The following PTPRM variants were observed in gnomAD, a reference collection of about 807,000 sequenced individuals.
PTPRM encodes protein tyrosine phosphatase receptor type M.
Under a neutral mutation model 186.7 loss-of-function variants are expected in PTPRM, and 47 were observed. The ratio of observed to expected loss-of-function variants is 0.25; its 90% CI spans 0.20 to 0.32. The LOEUF (loss-of-function observed/expected upper bound fraction) is 0.32. Ranked by LOEUF, PTPRM falls within the 10% of genes least tolerant of loss-of-function variation. The pLI, the probability that PTPRM is intolerant of heterozygous loss-of-function variation, is 1.00. For synonymous variants in PTPRM, 668 were observed against 674.9 expected (o/e 0.99, Z 0.16); for missense variants, 1,494 against 1,865.0 (o/e 0.80, Z 3.66).
chr18:7,731,605 AT>A (rs1158017138), intron 1 of PTPRM, among the ~76,000 whole-genome samples: 1 of 152,158 alleles, frequency 6.6e-6, no homozygotes, highest in Non-Finnish European at 1.5e-5. Flanking sequence ...AACATGCAGG[AT>A]TTCTGACTCC....
chr18:8,310,977 G>T (rs1213424366), intron 20 of PTPRM, among the ~76,000 whole-genome samples: 1 of 152,180 alleles, frequency 6.6e-6, no homozygotes, highest in African/African-American at 2.4e-5. Flanking sequence ...AGATGAAATA[G>T]CTCAGTATTC....
At chr18:7,876,912 A>C (rs1232579186) in intron 2 of PTPRM, among the ~76,000 whole-genome samples, 1 of 152,126 alleles carries the variant, frequency 6.6e-6, no homozygotes, top group Non-Finnish European at 1.5e-5. Context: ...CACCACTTAC[A>C]ACCTACATGA....
intron 27 of PTPRM, 61 bp downstream of exon 27, chr18:8,378,475 G>A: frequency 6.4e-7 from 1 of 1,572,980 alleles, no homozygotes; most frequent in Non-Finnish European, 8.7e-7. Flanking sequence ...AGGATTTCAA[G>A]GTCAGCACCT....
chr18:7,689,196 G>A lies in PTPRM; in HGVS notation c.74-84953G>A, dbSNP rs541228506. Among the ~76,000 whole-genome samples the A allele has an allele frequency of 5.1e-4, 78 of 152,272 alleles. 1 individual carries two copies. The South Asian group carries it at 7.3e-3, about 14-fold the overall frequency. ...AAGAAAGAACTGCATCCTGGTTGAC[G>A]AGATTTTAAAAAAGTTTGTATCAAT... On this transcript the variant is annotated intron_variant, in intron 1 of 32. Transcript: ENST00000580170.
At chr18:8,314,334 G>A (rs767471580) in intron 20 of PTPRM, among the ~76,000 whole-genome samples, 4 of 152,130 alleles carry the variant, frequency 2.6e-5, no homozygotes, top group Non-Finnish European at 4.4e-5. Flanking sequence ...ACTCACCAGT[G>A]ACTAAGGCTA....
chr18:7,626,832 C>G (rs1202518800), intron 1 of PTPRM, among the ~76,000 whole-genome samples: 1 of 152,074 alleles, frequency 6.6e-6, no homozygotes, highest in Non-Finnish European at 1.5e-5. Context: ...TGGGACTGCT[C>G]CTGAGTATCT....
At chr18:7,949,660 T>C (rs2052802624) in intron 6 of PTPRM, among the ~76,000 whole-genome samples, 1 of 152,152 alleles carries the variant, frequency 6.6e-6, no homozygotes, top group Non-Finnish European at 1.5e-5. Flanking sequence ...GGAATAAAAT[T>C]TTTTACTGAT....
rs1445731735 is a variant in PTPRM at position 8,244,098 on chromosome 18, C to T, written c.2341C>T (p.Arg781Ter). ...GCGGAAAGAGACCATGAGCAGCACCCGACAGGAGATGACTGTGATGGTGAA... is the reference window on the plus strand; with the variant it reads ...GCGGAAAGAGACCATGAGCAGCACCTGACAGGAGATGACTGTGATGGTGAA... ...KKRKETMSSTRQEMTVMVNSM... is the reference protein window; with the variant it reads ...KKRKETMSST The change falls in exon 15 of 33, where the codon CGA (arginine) becomes TGA (stop). Residue 781 changes from arginine (R) to a stop codon, truncating the protein, a stop_gained. Transcript: ENST00000580170. LOFTEE classifies it high-confidence loss of function. The T allele has an allele frequency of 6.2e-7, 1 of 1,609,286 alleles. No homozygotes were observed. Among genetic ancestry groups the T allele is most frequent in the Non-Finnish European group, 8.5e-7 (1 of 1,178,462 alleles).
intron 14 of PTPRM, among the ~76,000 whole-genome samples, chr18:8,171,240 T>C (rs1285044060): frequency 6.6e-6 from 1 of 152,208 alleles, no homozygotes; most frequent in Non-Finnish European, 1.5e-5. Context: ...CTTATAAAGG[T>C]TATGCTTCTT....
At chr18:7,837,429 T>C (rs1567893924) in intron 2 of PTPRM, among the ~76,000 whole-genome samples, 1 of 152,200 alleles carries the variant, frequency 6.6e-6, no homozygotes, top group Non-Finnish European at 1.5e-5. Flanking sequence ...GTGTTATCTT[T>C]AATTTCTTTG....
chr18:7,972,462 T>TAAA (rs11445030), intron 7 of PTPRM, among the ~76,000 whole-genome samples: 3 of 45,294 alleles, frequency 6.6e-5, no homozygotes, highest in African/African-American at 1.3e-4. Context: ...AAAGTATAAT[T>TAAA]AAAAAAAAAA....
At chr18:8,327,552 G>C (rs189287577) in intron 22 of PTPRM, among the ~76,000 whole-genome samples, 1 of 152,336 alleles carries the variant, frequency 6.6e-6, no homozygotes, top group East Asian at 1.9e-4. Flanking sequence ...ATGAGTGAAT[G>C]AGTAAATGAA....
intron 14 of PTPRM, chr18:8,154,650 T>TA (rs1245800083): frequency 2.6e-5 from 4 of 152,148 alleles, no homozygotes; most frequent in Admixed American, 6.5e-5. Flanking sequence ...TGGCCCTCTA[T>TA]AAAAAAATAG....
intron 1 of PTPRM, among the ~76,000 whole-genome samples, chr18:7,599,012 C>A (rs796330003): frequency 1.8e-4 from 28 of 151,570 alleles, no homozygotes; most frequent in African/African-American, 6.6e-4. Flanking sequence ...TAATTTTCGT[C>A]ATTCCCAAAC....
intron 1 of PTPRM, among the ~76,000 whole-genome samples, chr18:7,640,743 C>T (rs2038424599): frequency 6.6e-6 from 1 of 152,084 alleles, no homozygotes; most frequent in South Asian, 2.1e-4. Context: ...CCTTTAGATT[C>T]CCAAGTTAAT....
At chr18:7,887,958 A>G in intron 2 of PTPRM, 148 bp from the exon 3 acceptor site, 2 of 893,784 alleles carry the variant, frequency 2.2e-6, no homozygotes, top group Non-Finnish European at 3.8e-6. Context: ...AGGTGGTGAT[A>G]TATGAAATAG....
intron 14 of PTPRM, among the ~76,000 whole-genome samples, chr18:8,165,869 T>G (rs922199861): frequency 6.6e-6 from 1 of 152,184 alleles, no homozygotes; most frequent in Admixed American, 6.5e-5. Flanking sequence ...TGGGCTTGAT[T>G]TTTTTTAAAT....
At chr18:8,015,448 T>G (rs948116120) in intron 7 of PTPRM, among the ~76,000 whole-genome samples, 1 of 152,238 alleles carries the variant, frequency 6.6e-6, no homozygotes, top group Non-Finnish European at 1.5e-5. Flanking sequence ...TTATACTCAA[T>G]TTGAAATATG....
At chr18:8,311,051 G>A (rs909029656) in intron 20 of PTPRM, among the ~76,000 whole-genome samples, 5 of 152,226 alleles carry the variant, frequency 3.3e-5, no homozygotes, top group Non-Finnish European at 7.3e-5. Flanking sequence ...GCTCACGCCT[G>A]TAATCCCAGC....
Sources: allele counts gnomAD v4.1 joint callset (sites outside exome capture counted in the v4.1 genomes callset), GRCh38; gene constraint gnomAD v4.1.1; transcripts MANE v1.5; gene names NCBI Gene and HGNC (gene_info 2026-07-23, HGNC 2026-07-21).